MTERF3: variants seen among roughly 807,000 people sequenced by gnomAD.
The protein encoded by MTERF3 is mitochondrial transcription termination factor 3.
Under a neutral mutation model 40.5 loss-of-function variants are expected in MTERF3, and 40 were observed. The observed-to-expected ratio is 0.99, with a 90% CI of 0.77 to 1.29. The LOEUF (loss-of-function observed/expected upper bound fraction) is 1.29. Ranked by LOEUF, MTERF3 falls within the 50% of genes most tolerant of loss-of-function variation. The pLI is 0.00. For missense variants in MTERF3, 452 were observed against 478.2 expected, an observed-to-expected ratio of 0.95 and a Z score of 0.51; for synonymous variants, 158 against 166.6, an observed-to-expected ratio of 0.95 and a Z score of 0.40.
At chr8:96,248,592 T>C (rs1462850909) in intron 4 of MTERF3, among the ~76,000 whole-genome samples, 3 of 152,074 alleles carry the variant, frequency 2.0e-5, no homozygotes, top group African/African-American at 7.2e-5. Context: ...AGGGACAAAG[T>C]AGGAGAAAAG....
intron 4 of MTERF3, among the ~76,000 whole-genome samples, chr8:96,247,440 TG>T (rs1275291188): frequency 3.3e-4 from 50 of 152,336 alleles, no homozygotes; most frequent in African/African-American, 1.2e-3. Context: ...TAGTAAAAGA[TG>T]GTTTTACTAA....
rs746417393 is a variant in MTERF3 at position 96,246,318 on chromosome 8, T to C, written c.814A>G (p.Ser272Gly). The C allele has an allele frequency of 3.8e-6, 6 of 1,599,350 alleles. No individual in the cohort carries two copies. The South Asian group carries it at 6.8e-5, about 18-fold the overall frequency. ...LGFFQKELEL[S>G]VKKTRDLVVR... ...CTCCTTTTCTTTACCTTCTTCACAC[T>C]AAGTTCAAGTTCTTTCTGAAAAAAT... The change falls in exon 5 of 8, where the codon AGT (serine) becomes GGT (glycine). Residue 272 changes from serine to glycine, a missense_variant. Physicochemically the swap from Ser to Gly is moderately conservative, Grantham distance 56 (BLOSUM62 0). Transcript: ENST00000287025.
chr8:96,239,987 G>A (rs565707198), intron 7 of MTERF3: 13 of 583,552 alleles, frequency 2.2e-5, no homozygotes, highest in Admixed American at 1.3e-4. Context: ...TCGGCCGGGC[G>A]TGGTGGCTCA....
At chr8:96,252,856 G>A (rs985405322) in intron 3 of MTERF3, among the ~76,000 whole-genome samples, 1 of 152,180 alleles carries the variant, frequency 6.6e-6, no homozygotes, top group Non-Finnish European at 1.5e-5. Flanking sequence ...CTGAAAAGCT[G>A]CTTTTTAACA....
At chr8:96,260,076 TTG>T (rs1810354348) in intron 1 of MTERF3, 2 of 152,080 alleles carry the variant, frequency 1.3e-5, no homozygotes, top group South Asian at 2.1e-4. Flanking sequence ...GGCTAATTTT[TTG>T]TGTTTTTAGT....
At chr8:96,250,125 A>G (rs1181660740) in intron 4 of MTERF3, among the ~76,000 whole-genome samples, 1 of 152,164 alleles carries the variant, frequency 6.6e-6, no homozygotes, top group Non-Finnish European at 1.5e-5. Flanking sequence ...AAGTACAGAG[A>G]TGTTTATAAA....
At chr8:96,252,286 A>G (rs1465642800) in intron 3 of MTERF3, among the ~76,000 whole-genome samples, 1 of 152,282 alleles carries the variant, frequency 6.6e-6, no homozygotes, top group African/African-American at 2.4e-5. Context: ...GTTATTATAC[A>G]AACAATAATG....
At chr8:96,244,439 C>T (rs1809986719) in intron 6 of MTERF3, among the ~76,000 whole-genome samples, 1 of 150,290 alleles carries the variant, frequency 6.7e-6, no homozygotes, top group African/African-American at 2.4e-5. Context: ...CTCGCTTTGT[C>T]ATCCAGGCTG....
rs144128727 is a variant in MTERF3 at position 96,242,928 on chromosome 8, T to C, written c.1059+991A>G. Among the ~76,000 whole-genome samples the C allele has an allele frequency of 7.5e-3, 1,141 of 152,310 alleles. 14 individuals are homozygous for C. The highest frequency in any genetic ancestry group is 0.026 in the African/African-American group (1,083 of 41,578). ...CAACCCAGGGAAAAACAAATTGTCATTTCTTTTTCGTTGAAGATTATTTCA... is the reference window on the plus strand; with the variant it reads ...CAACCCAGGGAAAAACAAATTGTCACTTCTTTTTCGTTGAAGATTATTTCA... On this transcript the variant is annotated intron_variant, in intron 7 of 7. Coordinates refer to ENST00000287025, the MANE Select transcript of MTERF3 (RefSeq NM_015942.5).
At chr8:96,250,684 G>GAAGA (rs1174594294) in intron 4 of MTERF3, among the ~76,000 whole-genome samples, 18 of 13,526 alleles carry the variant, frequency 1.3e-3, no homozygotes, top group Non-Finnish European at 3.1e-3. Context: ...GAAGAAGAAG[G>GAAGA]AGGAGGAGGA....
At chr8:96,255,456 G>T (rs751930188) in intron 3 of MTERF3, among the ~76,000 whole-genome samples, 8 of 151,946 alleles carry the variant, frequency 5.3e-5, no homozygotes, top group Non-Finnish European at 1.0e-4. Flanking sequence ...CTGGCCAACA[G>T]GGTGAAACCT....
intron 4 of MTERF3, among the ~76,000 whole-genome samples, chr8:96,250,611 G>A (rs1483225010): frequency 6.7e-5 from 4 of 60,114 alleles, no homozygotes; most frequent in Non-Finnish European, 1.4e-4. Flanking sequence ...TTGGGAGGCT[G>A]AGGCAGAAGA....
chr8:96,258,550 T>C lies in MTERF3; in HGVS notation c.141A>G (p.Ile47Met). 1.2e-6 allele frequency: 2 copies of C among 1,614,166 alleles called. No homozygotes were observed. Among genetic ancestry groups the C allele is most frequent in the Non-Finnish European group, 1.7e-6 (2 of 1,180,000 alleles). Residue 47 changes from isoleucine to methionine, a missense_variant, in exon 2 of 8, where the codon ATA becomes ATG. Transcript: ENST00000287025. ...ACTGGAGAAAGCAATTGTCAGAGGA[T>C]ATCTGAGGCTGAGCAGAAAAGCCAT... ...LLHGFSAQPQ[I>M]SSDNCFLQWG...
intron 4 of MTERF3, among the ~76,000 whole-genome samples, chr8:96,250,615 CA>C (rs1423715556): frequency 8.5e-5 from 1 of 11,824 alleles, no homozygotes; most frequent in South Asian, 4.1e-3. Flanking sequence ...GAGGCTGAGG[CA>C]GAAGAAGAAG....
intron 3 of MTERF3, among the ~76,000 whole-genome samples, chr8:96,254,513 A>G (rs1810247145): frequency 6.6e-6 from 1 of 152,052 alleles, no homozygotes; most frequent in Non-Finnish European, 1.5e-5. Context: ...AGCATTAGTC[A>G]TTCTGTGCTT....
At chr8:96,259,914 T>C (rs1810349611) in intron 1 of MTERF3, among the ~76,000 whole-genome samples, 2 of 138,210 alleles carry the variant, frequency 1.4e-5, no homozygotes, top group African/African-American at 5.5e-5. Flanking sequence ...ATTATTATTA[T>C]TTTTTTTGAG....
chr8:96,245,875 C>A lies in MTERF3; in HGVS notation c.882G>T (p.Val294=). The change falls in exon 6 of 8, where the codon GTG becomes GTT. Residue 294 remains valine (V), a synonymous_variant. Transcript: ENST00000287025. ...PRLLTGSLEP[V]KENMKVYRLE... ...GTTGTCCTACCTTCATATTTTCTTT[C>A]ACGGGTTCCAGACTTCCAGTTAGCA... 6.2e-7 allele frequency: 1 copy of A among 1,613,890 alleles called. No individual in the cohort carries two copies. The highest frequency in any genetic ancestry group is 8.5e-7 in the Non-Finnish European group (1 of 1,179,866).
At position 96,250,994 on chromosome 8, in the gene MTERF3, C is replaced by T. The variant is rs1237556713; in HGVS notation, c.589G>A (p.Asp197Asn). Residue 197 changes from aspartate (D) to asparagine (N), a missense_variant, in exon 4 of 8, where the codon GAT (aspartate) becomes AAT (asparagine). Transcript: ENST00000287025. ...DIKQMLLFLK[D>N]VGIEDNQLGA... ...AGTTGGTTATCCTCTATACCCACAT[C>T]TTTAAGAAACAGAAGCATTTGCTTA... The T allele has an allele frequency of 6.2e-7, 1 of 1,606,520 alleles. No individual in the cohort carries two copies. The highest frequency in any genetic ancestry group is 8.5e-7 in the Non-Finnish European group (1 of 1,178,228).
At chr8:96,259,079 A>C (rs936136878) in intron 1 of MTERF3, among the ~76,000 whole-genome samples, 20 of 152,258 alleles carry the variant, frequency 1.3e-4, no homozygotes, top group African/African-American at 4.1e-4. Context: ...TGATGCAAAT[A>C]AGTGTTCTTG....
Sources: gnomAD v4.1 joint callset for allele counts (sites outside exome capture counted in the v4.1 genomes callset) on GRCh38, gnomAD v4.1.1 for gene constraint, MANE v1.5 for transcripts, NCBI Gene and HGNC (gene_info 2026-07-23, HGNC 2026-07-21) for gene names.